Variants in ZNF438 observed in about 807,000 individuals in gnomAD.
ZNF438 encodes the protein zinc finger protein 438.
In ZNF438, 25 loss-of-function variants were observed where a neutral mutation model predicts 38.0. The observed-to-expected ratio is 0.66, with a 90% confidence interval of 0.48 to 0.92. ZNF438 has a LOEUF of 0.92. Ranked by LOEUF, ZNF438 falls within the 40% of genes least tolerant of loss-of-function variation. ZNF438 has a pLI of 0.00. For synonymous variants in ZNF438, 372 were observed against 364.1 expected, an observed-to-expected ratio of 1.02 and a Z score of -0.25; for missense variants, 1,007 against 999.6, an observed-to-expected ratio of 1.01 and a Z score of -0.10.
At chr10:30,944,039 C>G (rs2047102051) in intron 1 of ZNF438, among the ~76,000 whole-genome samples, 1 of 152,130 alleles carries the variant, frequency 6.6e-6, no homozygotes, top group East Asian at 1.9e-4. Context: ...CAGCAGTGGA[C>G]TAATTGTGGG....
intron 3 of ZNF438, among the ~76,000 whole-genome samples, chr10:30,886,158 C>T (rs2039924441): frequency 6.6e-6 from 1 of 152,114 alleles, no homozygotes; most frequent in South Asian, 2.1e-4. Flanking sequence ...ATTAGTATTC[C>T]TTAGGAATAT....
chr10:30,991,373 T>C (rs1358608375), intron 1 of ZNF438, among the ~76,000 whole-genome samples: 2 of 152,214 alleles, frequency 1.3e-5, no homozygotes, highest in Non-Finnish European at 2.9e-5. Context: ...GCAAAAGTTC[T>C]ACTCTAGGTG....
intron 1 of ZNF438, among the ~76,000 whole-genome samples, chr10:30,978,394 G>C (rs144091760): frequency 1.3e-5 from 2 of 152,306 alleles, no homozygotes; most frequent in African/African-American, 4.8e-5. Context: ...TTAGACAGAA[G>C]TTAATCTTTT....
At chr10:30,885,098 C>T (rs2039783594) in intron 3 of ZNF438, among the ~76,000 whole-genome samples, 1 of 152,198 alleles carries the variant, frequency 6.6e-6, no homozygotes, top group African/African-American at 2.4e-5. Context: ...TATATCATCA[C>T]ACTGACATAC....
intron 2 of ZNF438, among the ~76,000 whole-genome samples, chr10:30,921,849 T>A (rs2044332818): frequency 1.3e-5 from 2 of 152,202 alleles, no homozygotes; most frequent in South Asian, 4.1e-4. Flanking sequence ...TACCGATCTT[T>A]CTGAGAGTGT....
At chr10:30,893,196 G>A (rs565608524) in intron 3 of ZNF438, among the ~76,000 whole-genome samples, 5 of 152,262 alleles carry the variant, frequency 3.3e-5, no homozygotes, top group Admixed American at 6.5e-5. Context: ...TACTCAAAAC[G>A]TTTAAGGATT....
At chr10:30,987,810 T>C (rs1292599729) in intron 1 of ZNF438, among the ~76,000 whole-genome samples, 1 of 152,182 alleles carries the variant, frequency 6.6e-6, no homozygotes, top group East Asian at 1.9e-4. Flanking sequence ...GCTGGTGCCT[T>C]GATCTTTGAC....
intron 1 of ZNF438, among the ~76,000 whole-genome samples, chr10:31,009,238 A>G (rs932250933): frequency 1.3e-5 from 2 of 152,206 alleles, no homozygotes; most frequent in African/African-American, 4.8e-5. Context: ...TACTTGCACT[A>G]GATAGATTGT....
chr10:30,986,035 C>T (rs1294049246), intron 1 of ZNF438, among the ~76,000 whole-genome samples: 1 of 152,104 alleles, frequency 6.6e-6, no homozygotes, highest in Non-Finnish European at 1.5e-5. Context: ...CCTACGAATT[C>T]AGTATAGTAA....
chr10:30,936,581 G>A (rs1004584693), intron 2 of ZNF438, among the ~76,000 whole-genome samples: 4 of 152,190 alleles, frequency 2.6e-5, no homozygotes, highest in Non-Finnish European at 5.9e-5. Context: ...GGCTGAGGCA[G>A]GAGAATCGCT....
At position 30,891,348 on chromosome 10, in the gene ZNF438, C is replaced by T. The variant is rs146193630; in HGVS notation, c.-31-14283G>A. ...ATTTTTGCTCTTTCTGGAAAAATTCCTTAACTTTACCTCCCAGTGTTAAAA... is the reference window on the plus strand; with the variant it reads ...ATTTTTGCTCTTTCTGGAAAAATTCTTTAACTTTACCTCCCAGTGTTAAAA... On this transcript the variant is annotated intron_variant, in intron 3 of 5. Coordinates refer to ENST00000413025, the Ensembl canonical transcript of ZNF438. 8.0e-4 allele frequency among the ~76,000 whole-genome samples: 122 copies of T among 151,966 alleles called. No homozygotes were observed. In the East Asian group the frequency reaches 0.022, roughly 28 times the overall value.
At chr10:30,993,921 G>T (rs181757030) in intron 1 of ZNF438, among the ~76,000 whole-genome samples, 7 of 152,388 alleles carry the variant, frequency 4.6e-5, no homozygotes, top group Non-Finnish European at 2.9e-5. Flanking sequence ...TTCTCCAGCT[G>T]TAAGATGTAA....
chr10:30,914,748 G>C (rs949534733), intron 2 of ZNF438, among the ~76,000 whole-genome samples: 3 of 151,934 alleles, frequency 2.0e-5, no homozygotes, highest in South Asian at 2.1e-4. Context: ...TTCTACCTTT[G>C]TTGCTGTCAG....
intron 1 of ZNF438, among the ~76,000 whole-genome samples, chr10:30,969,756 T>C (rs569548169): frequency 7.8e-4 from 118 of 152,248 alleles, no homozygotes; most frequent in African/African-American, 2.6e-3. Flanking sequence ...AAAAACCTCA[T>C]ACTCCCATTG....
At chr10:30,961,272 T>TA (rs1175437941) in intron 1 of ZNF438, among the ~76,000 whole-genome samples, 3 of 144,218 alleles carry the variant, frequency 2.1e-5, no homozygotes, top group African/African-American at 7.3e-5. Flanking sequence ...AAAAATTTTT[T>TA]AATTTATTAT....
At chr10:30,861,888 T>A in intron 4 of ZNF438, among the ~76,000 whole-genome samples, 1 of 152,194 alleles carries the variant, frequency 6.6e-6, no homozygotes, top group Non-Finnish European at 1.5e-5. Flanking sequence ...AATCTAAGAA[T>A]GACCGAGGAG....
chr10:31,009,241 T>C (rs1383424488), intron 1 of ZNF438, among the ~76,000 whole-genome samples: 4 of 152,214 alleles, frequency 2.6e-5, no homozygotes, highest in African/African-American at 7.2e-5. Flanking sequence ...TTGCACTAGA[T>C]AGATTGTGTG....
rs531452683 is a variant in ZNF438, at chr10:30,967,307, C to G, written c.-191-25656G>C. Among the ~76,000 whole-genome samples, 6 of 152,154 alleles carry G rather than the reference C, an allele frequency of 3.9e-5. No homozygotes were observed. In the South Asian group the frequency reaches 1.2e-3, roughly 32 times the overall value. ...CAGAGAAAAAGGAAATAAGTATCTC[C>G]CCAACGCTCAACTACAAACTTCTAA... On this transcript the variant is annotated intron_variant, in intron 1 of 5. Transcript: ENST00000413025.
chr10:30,866,809 G>A (rs2036509941), intron 4 of ZNF438, among the ~76,000 whole-genome samples: 1 of 146,548 alleles, frequency 6.8e-6, no homozygotes, highest in Non-Finnish European at 1.5e-5. Context: ...ACTCCAGCCT[G>A]AGCGACAGAG....
Sources: allele counts gnomAD v4.1 joint callset (sites outside exome capture counted in the v4.1 genomes callset), GRCh38; gene constraint gnomAD v4.1.1; transcripts MANE v1.5; gene names NCBI Gene and HGNC (gene_info 2026-07-23, HGNC 2026-07-21).